Variants in PHLPP1 observed in about 807,000 individuals in gnomAD.
The protein encoded by PHLPP1 is PH domain leucine-rich repeat-containing protein phosphatase 1.
A neutral mutation model predicts 117.2 loss-of-function variants in PHLPP1; 42 were observed. The observed-to-expected ratio is 0.36, with a 90% CI of 0.28 to 0.46. PHLPP1 has a LOEUF of 0.46. Among genes scored for constraint, PHLPP1 ranks in the 20% least tolerant of loss-of-function variants. The pLI is 1.00. For synonymous variants in PHLPP1, 1,042 were observed against 970.7 expected (o/e 1.07, Z -1.37); for missense variants, 2,084 against 2,241.9 (o/e 0.93, Z 1.42).
Position 62,915,008 on chromosome 18 carries a change from G to T in PHLPP1, c.2804G>T (p.Arg935Leu). 2 of 1,605,692 alleles carry T rather than the reference G, an allele frequency of 1.2e-6. No individual in the cohort carries two copies. Among genetic ancestry groups the T allele is most frequent in the Non-Finnish European group, 8.5e-7 (1 of 1,173,276 alleles). ...AATCAAATATGTGAACTTCCTGCCC[G>T]GTGAGTATTACAGATCAAATGAGAG... is the stretch of plus-strand genomic sequence containing the variant. ...GHNQICELPA[R>L]LFCNSSLRKL... The change falls in exon 9 of 17, where the codon CGC (arginine) becomes CTC (leucine). Residue 935 changes from arginine to leucine, a missense_variant and splice_region_variant. Arg to Leu is a moderately radical substitution (Grantham distance 102). This residue lies in a region of PHLPP1 where 1,365 missense variants were observed against 1,605.9 expected (regional missense o/e 0.85). Transcript: ENST00000262719.
At chr18:62,841,236 A>G (rs1915042523) in intron 3 of PHLPP1, among the ~76,000 whole-genome samples, 1 of 150,588 alleles carries the variant, frequency 6.6e-6, no homozygotes, top group African/African-American at 2.4e-5. Flanking sequence ...CTGTTTCAAG[A>G]TCTAATTCAA....
At chr18:62,822,002 A>G (rs988036734) in intron 1 of PHLPP1, among the ~76,000 whole-genome samples, 2 of 152,194 alleles carry the variant, frequency 1.3e-5, no homozygotes, top group African/African-American at 4.8e-5. Context: ...AGGCTGAGGC[A>G]GAAAGATCAC....
chr18:62,887,929 G>A (rs1916321733), intron 4 of PHLPP1, among the ~76,000 whole-genome samples: 1 of 151,946 alleles, frequency 6.6e-6, no homozygotes, highest in Non-Finnish European at 1.5e-5. Flanking sequence ...TTGTAGAGAT[G>A]GGATCTCCCT....
At position 62,978,059 on chromosome 18, in the gene PHLPP1, T is replaced by G. The variant is rs144805760; in HGVS notation, c.3985-203T>G. 4.3e-3 allele frequency among the ~76,000 whole-genome samples: 657 copies of G among 152,254 alleles called. 3 individuals are homozygous for G. Among genetic ancestry groups the G allele is most frequent in the Admixed American group, 7.3e-3 (111 of 15,304 alleles). On this transcript the variant is annotated intron_variant, in intron 16 of 16. Transcript: ENST00000262719. This position sits in a 1 kb window ranked among gnomAD's most constrained non-coding sequence, Gnocchi z 7.0. ...CCTTTTGTCCCTACTGCTCCTTACCTGCCCAGGCCTACTACCTGGGGTTTC... is the reference window on the plus strand; with the variant it reads ...CCTTTTGTCCCTACTGCTCCTTACCGGCCCAGGCCTACTACCTGGGGTTTC...
chr18:62,725,842 A>G lies in PHLPP1; in HGVS notation c.1576+8583A>G, dbSNP rs184777492. On this transcript the variant is annotated intron_variant, in intron 1 of 16. Transcript: ENST00000262719. ...AGCCTACTAAGTCAATTAATTCCCC[A>G]AAGATTACTGTTCAATTTTAAATGA... Among the ~76,000 whole-genome samples the G allele has an allele frequency of 5.6e-4, 85 of 152,334 alleles. 2 individuals carry two copies. In the South Asian group the frequency reaches 0.013, roughly 23 times the overall value.
chr18:62,783,229 CTTTTTTT>C (rs71340114), intron 1 of PHLPP1, among the ~76,000 whole-genome samples: 2 of 106,434 alleles, frequency 1.9e-5, no homozygotes, highest in African/African-American at 3.5e-5. Flanking sequence ...TTTTTTTTTT[CTTTTTTT>C]TTTTTTTTTG....
intron 1 of PHLPP1, among the ~76,000 whole-genome samples, chr18:62,748,051 G>C (rs1350738048): frequency 1.3e-5 from 2 of 152,010 alleles, no homozygotes; most frequent in Non-Finnish European, 2.9e-5. Flanking sequence ...TGTTGGTTAG[G>C]TCTAATGTGT....
chr18:62,716,341 C>T lies in PHLPP1; in HGVS notation c.658C>T (p.Leu220Phe), dbSNP rs1489239400. 1 of 1,524,080 alleles carries T rather than the reference C, an allele frequency of 6.6e-7. No homozygotes were observed. Among genetic ancestry groups the T allele is most frequent in the Non-Finnish European group, 8.8e-7 (1 of 1,142,330 alleles). 94.4% of individuals were successfully genotyped at this position (1,524,080 alleles called of 1,614,324 possible). Residue 220 changes from leucine (L) to phenylalanine (F), a missense_variant, in exon 1 of 17, where the codon CTC becomes TTC. This residue lies in a region of PHLPP1 where 719 missense variants were observed against 636.0 expected (regional missense o/e 1.13). Coordinates refer to ENST00000262719, the MANE Select transcript of PHLPP1 (RefSeq NM_194449.4). This position sits in a 1 kb window ranked among gnomAD's most constrained non-coding sequence, Gnocchi z 5.7. ...GGCCTCGACCTACCTGCGCCCGGTG[C>T]TCTGCACACTGGACACCACGGCCGG... Reference protein sequence around the residue: ...HMASTYLRPVLCTLDTTAGEV... With the variant: ...HMASTYLRPVFCTLDTTAGEV...
intron 1 of PHLPP1, among the ~76,000 whole-genome samples, chr18:62,829,474 AG>A (rs1914696664): frequency 6.6e-6 from 1 of 152,256 alleles, no homozygotes; most frequent in South Asian, 2.1e-4. Context: ...ACTCCAACCC[AG>A]GCGTGGTGGC....
At chr18:62,802,980 G>A (rs536815163) in intron 1 of PHLPP1, among the ~76,000 whole-genome samples, 50 of 152,308 alleles carry the variant, frequency 3.3e-4, no homozygotes, top group South Asian at 1.2e-3. Flanking sequence ...AAGGTAAGTG[G>A]CAGAAGATAA....
chr18:62,837,409 G>A (rs1246260019), intron 2 of PHLPP1, among the ~76,000 whole-genome samples: 1 of 152,106 alleles, frequency 6.6e-6, no homozygotes, highest in South Asian at 2.1e-4. Flanking sequence ...TGGCGAATCT[G>A]TAGCTGTGTC....
intron 1 of PHLPP1, among the ~76,000 whole-genome samples, chr18:62,718,222 A>G (rs1285906999): frequency 6.6e-6 from 1 of 152,224 alleles, no homozygotes; most frequent in African/African-American, 2.4e-5. Flanking sequence ...GTTCTCAGTG[A>G]TAAGGAATTT....
intron 1 of PHLPP1, among the ~76,000 whole-genome samples, chr18:62,753,250 A>C (rs945566234): frequency 1.3e-5 from 2 of 152,200 alleles, no homozygotes; most frequent in Admixed American, 6.5e-5. Flanking sequence ...TAATATGGGA[A>C]GCTGATGACA....
intron 2 of PHLPP1, among the ~76,000 whole-genome samples, chr18:62,833,824 G>C (rs897157950): frequency 1.3e-5 from 2 of 151,982 alleles, no homozygotes; most frequent in Non-Finnish European, 2.9e-5. Context: ...GTTTGTTGTT[G>C]TTATAATAAC....
chr18:62,720,149 T>A (rs566357499), intron 1 of PHLPP1, among the ~76,000 whole-genome samples: 2 of 152,102 alleles, frequency 1.3e-5, no homozygotes, highest in Non-Finnish European at 2.9e-5. Flanking sequence ...CATCTTAAAT[T>A]TTGCCTGAAA....
chr18:62,973,036 C>T (rs1390721449), intron 15 of PHLPP1, among the ~76,000 whole-genome samples: 1 of 152,190 alleles, frequency 6.6e-6, no homozygotes, highest in Non-Finnish European at 1.5e-5. Context: ...ATCATGTGAG[C>T]TGTAGGGGCT....
At chr18:62,843,512 T>C (rs372161795) in intron 3 of PHLPP1, among the ~76,000 whole-genome samples, 3 of 152,256 alleles carry the variant, frequency 2.0e-5, no homozygotes, top group Non-Finnish European at 2.9e-5. Context: ...TATATACTTA[T>C]TATTTTTAAA....
intron 3 of PHLPP1, among the ~76,000 whole-genome samples, chr18:62,856,824 G>A (rs979247267): frequency 5.9e-5 from 9 of 152,132 alleles, no homozygotes; most frequent in East Asian, 1.9e-4. Context: ...CAACTTCTCC[G>A]GTTTTTCCTT....
chr18:62,846,655 C>A (rs1004986972), intron 3 of PHLPP1, among the ~76,000 whole-genome samples: 1 of 151,928 alleles, frequency 6.6e-6, no homozygotes, highest in African/African-American at 2.4e-5. Context: ...TTATAATTAA[C>A]TTTCCAATAT....
Sources: gnomAD v4.1 joint callset for allele counts (sites outside exome capture counted in the v4.1 genomes callset) on GRCh38, gnomAD v4.1.1 for gene constraint, gnomAD v4.1.1 regional missense constraint, Gnocchi (gnomAD v3.1) non-coding constraint, MANE v1.5 for transcripts, NCBI Gene and HGNC (gene_info 2026-07-23, HGNC 2026-07-21) for gene names.